Variants in CELF1 observed in about 807,000 individuals in gnomAD.
CELF1 encodes CUGBP Elav-like family member 1.
CELF1 carries 10 observed loss-of-function variants against 61.8 expected under a neutral mutation model. The observed-to-expected ratio is 0.16, with a 90% CI of 0.10 to 0.27. CELF1 has a LOEUF of 0.27. Ranked by LOEUF, CELF1 falls within the 10% of genes least tolerant of loss-of-function variation. The probability of loss-of-function intolerance (pLI) is 1.00; values close to 1 mark genes in which losing one functional copy is unlikely to be tolerated. For missense variants in CELF1, 380 were observed against 639.1 expected, an observed-to-expected ratio of 0.59 and a Z score of 4.37; for synonymous variants, 236 against 225.1, an observed-to-expected ratio of 1.05 and a Z score of -0.43.
intron 1 of CELF1, among the ~76,000 whole-genome samples, chr11:47,539,616 G>A (rs2096723962): frequency 6.6e-6 from 1 of 152,194 alleles, no homozygotes; most frequent in Admixed American, 6.5e-5. Context: ...GCTGTGCAGA[G>A]CTCTGTACTA....
At chr11:47,508,763 T>C (rs1179197797) in intron 1 of CELF1, among the ~76,000 whole-genome samples, 1 of 151,906 alleles carries the variant, frequency 6.6e-6, no homozygotes, top group Non-Finnish European at 1.5e-5. Flanking sequence ...AAATGAATAG[T>C]CCAATACACA....
chr11:47,482,349 A>G (rs2083831175), intron 9 of CELF1: 1 of 178,156 alleles, frequency 5.6e-6, no homozygotes, highest in Non-Finnish European at 1.2e-5. Context: ...ATCTGGTAGA[A>G]AGAGATATGG....
intron 3 of CELF1, chr11:47,494,427 A>T (rs2092646416): frequency 1.0e-6 from 1 of 983,064 alleles, no homozygotes; most frequent in African/African-American, 1.7e-5. Flanking sequence ...GTCTACCTTG[A>T]TTTCTGCTGA....
chr11:47,554,298 T>C (rs1484887376), upstream of CELF1, among the ~76,000 whole-genome samples: 3 of 152,236 alleles, frequency 2.0e-5, no homozygotes, highest in African/African-American at 4.8e-5. Flanking sequence ...ATAATGCTGA[T>C]ATATGATCTT....
chr11:47,507,515 G>T (rs1349263561), intron 1 of CELF1, among the ~76,000 whole-genome samples: 1 of 151,888 alleles, frequency 6.6e-6, no homozygotes. Context: ...GCAAACAGAG[G>T]AACCACAAAA....
chr11:47,535,918 G>A (rs916127922), intron 1 of CELF1, among the ~76,000 whole-genome samples: 26 of 151,126 alleles, frequency 1.7e-4, no homozygotes, highest in African/African-American at 6.3e-4. Flanking sequence ...GTGTGCCACC[G>A]TGCCCAGCTA....
intron 1 of CELF1, among the ~76,000 whole-genome samples, chr11:47,537,598 T>A (rs1388988170): frequency 6.6e-6 from 1 of 152,158 alleles, no homozygotes; most frequent in Non-Finnish European, 1.5e-5. Context: ...TGCTTACATT[T>A]TTTTTCCAGA....
intron 1 of CELF1, among the ~76,000 whole-genome samples, chr11:47,534,677 G>C (rs1012907615): frequency 2.6e-5 from 4 of 152,154 alleles, no homozygotes; most frequent in Non-Finnish European, 5.9e-5. Flanking sequence ...GCAGTATGCA[G>C]AGATCGCACC....
At chr11:47,479,234 C>A (rs2081610493) in intron 9 of CELF1, among the ~76,000 whole-genome samples, 1 of 152,140 alleles carries the variant, frequency 6.6e-6, no homozygotes, top group Non-Finnish European at 1.5e-5. Context: ...AAGGACAGAA[C>A]TACAGCAGGA....
intron 1 of CELF1, among the ~76,000 whole-genome samples, chr11:47,520,163 C>A (rs2095807760): frequency 6.6e-6 from 1 of 151,984 alleles, no homozygotes; most frequent in Admixed American, 6.6e-5. Context: ...ATACGACTTG[C>A]ACTAGAAACA....
rs1452319098 is a variant in CELF1, at chr11:47,548,369, A to G, written c.-154+4623T>C. On this transcript the variant is annotated intron_variant, in intron 1 of 14. Transcript: ENST00000687097. ...AAACTCCTAGAAGAAAATATAGAGG[A>G]AAAACTTCATGATATTGGATTTGAC... Among the ~76,000 whole-genome samples, 7 of 152,334 alleles carry G rather than the reference A, an allele frequency of 4.6e-5. No individual in the cohort carries two copies. In the East Asian group the frequency reaches 1.4e-3, roughly 29 times the overall value.
intron 3 of CELF1, among the ~76,000 whole-genome samples, chr11:47,499,037 T>C (rs1479436376): frequency 9.9e-5 from 15 of 152,180 alleles, no homozygotes; most frequent in Admixed American, 9.2e-4. Flanking sequence ...TTCTCTGTGA[T>C]AGGAGACTAA....
At chr11:47,535,705 T>C (rs890419622) in intron 1 of CELF1, among the ~76,000 whole-genome samples, 1 of 150,308 alleles carries the variant, frequency 6.7e-6, no homozygotes, top group Admixed American at 6.7e-5. Flanking sequence ...ATAAATCATG[T>C]CTTGTTTTGC....
chr11:47,542,365 T>C (rs939764025), intron 1 of CELF1, among the ~76,000 whole-genome samples: 5 of 152,040 alleles, frequency 3.3e-5, no homozygotes, highest in Admixed American at 3.3e-4. Flanking sequence ...TGAAACTCTG[T>C]CTCAAATAAA....
intron 3 of CELF1, among the ~76,000 whole-genome samples, chr11:47,492,646 C>T (rs142573304): frequency 1.3e-5 from 2 of 152,078 alleles, no homozygotes; most frequent in African/African-American, 2.4e-5. Context: ...GCACAAGAAT[C>T]GCTTGAACCT....
chr11:47,550,253 G>A (rs1037896842), intron 1 of CELF1, among the ~76,000 whole-genome samples: 1 of 151,982 alleles, frequency 6.6e-6, no homozygotes, highest in African/African-American at 2.4e-5. Flanking sequence ...AAAAAACACC[G>A]GGTACGGTGG....
intron 8 of CELF1, among the ~76,000 whole-genome samples, 160 bp downstream of exon 8, chr11:47,483,293 A>G (rs1313238515): frequency 6.6e-6 from 1 of 152,076 alleles, no homozygotes. Flanking sequence ...AGCATTTCCA[A>G]TACGTTAATT....
intron 3 of CELF1, among the ~76,000 whole-genome samples, chr11:47,493,874 T>C (rs1257142792): frequency 4.6e-5 from 7 of 152,150 alleles, no homozygotes; most frequent in Non-Finnish European, 1.0e-4. Context: ...CTCTCCCTCT[T>C]CCACATATAC....
chr11:47,494,068 A>G (rs2092545724), intron 3 of CELF1, among the ~76,000 whole-genome samples: 1 of 152,226 alleles, frequency 6.6e-6, no homozygotes, highest in Non-Finnish European at 1.5e-5. Context: ...TTCAAGAACC[A>G]GTGAATTCAG....
Sources: allele counts gnomAD v4.1 joint callset (sites outside exome capture counted in the v4.1 genomes callset), GRCh38; gene constraint gnomAD v4.1.1; transcripts MANE v1.5; gene names NCBI Gene and HGNC (gene_info 2026-07-23, HGNC 2026-07-21).